SKP2: variants seen among roughly 807,000 people sequenced by gnomAD.
SKP2 encodes S-phase kinase-associated protein 2.
SKP2 carries 16 observed loss-of-function variants against 51.8 expected under a neutral mutation model. The ratio of observed to expected loss-of-function variants is 0.31; its 90% CI spans 0.21 to 0.47. The LOEUF is 0.47. Among genes scored for constraint, SKP2 ranks in the 20% least tolerant of loss-of-function variants. SKP2 has a pLI of 1.00. For synonymous variants in SKP2, 176 were observed against 198.6 expected (o/e 0.89, Z 0.96); for missense variants, 377 against 505.3 (o/e 0.75, Z 2.43).
chr5:36,174,666 T>TGA (rs1389171050), intron 7 of SKP2, among the ~76,000 whole-genome samples: 1 of 151,924 alleles, frequency 6.6e-6, no homozygotes, highest in African/African-American at 2.4e-5. Flanking sequence ...GAGGTAAAAA[T>TGA]GCAAGGACGA....
chr5:36,154,487 G>A (rs1347796688), intron 2 of SKP2, among the ~76,000 whole-genome samples: 2 of 152,154 alleles, frequency 1.3e-5, no homozygotes, highest in Non-Finnish European at 2.9e-5. Context: ...ACACTGATGT[G>A]TTGAGACTCA....
At position 36,182,620 on chromosome 5, in the gene SKP2, A is replaced by C. The variant is rs138456032; in HGVS notation, c.*589A>C. ...TAAGTAACCCCATGTAATTCACCTT[A>C]AAACTTAACAAAAGACCAAACATTA... is the stretch of plus-strand genomic sequence containing the variant. On this transcript the variant is annotated 3_prime_UTR_variant, in exon 10 of 10. Transcript: ENST00000274255. 1,964 of 981,850 alleles carry C rather than the reference A, an allele frequency of 2.0e-3. 29 individuals are homozygous for C. In the African/African-American group the frequency reaches 0.032, roughly 16 times the overall value. The allele number at this position is 981,850 out of a possible 1,614,324, so 60.8% of individuals were successfully genotyped here.
At chr5:36,156,099 A>AC (rs1744936847) in intron 2 of SKP2, among the ~76,000 whole-genome samples, 1 of 152,202 alleles carries the variant, frequency 6.6e-6, no homozygotes, top group African/African-American at 2.4e-5. Context: ...AAGAATGGTG[A>AC]CTTTTATGTT....
In SKP2 at chr5:36,177,301, G is replaced by A; in HGVS notation, c.1061+9G>A. The A allele has an allele frequency of 6.5e-7, 1 of 1,527,990 alleles. No individual in the cohort carries two copies. Among genetic ancestry groups the A allele is most frequent in the Non-Finnish European group, 9.1e-7 (1 of 1,102,240 alleles). The allele number at this position is 1,527,990 out of a possible 1,614,324, so 94.7% of individuals were successfully genotyped here. A position where few individuals can be genotyped will look rare whatever the true frequency, so the allele number is the denominator to read the frequency against. On this transcript the variant is annotated intron_variant, in intron 9 of 9. Transcript: ENST00000274255. ...ATACCTGAAACTTTACTGTAAGTAT[G>A]TTTTGTTTTTAATGCTTAATAGAAG... is the stretch of plus-strand genomic sequence containing the variant.
At chr5:36,180,563 A>G (rs1228796922) in intron 9 of SKP2, among the ~76,000 whole-genome samples, 4 of 152,182 alleles carry the variant, frequency 2.6e-5, no homozygotes, top group African/African-American at 9.6e-5. Flanking sequence ...TAGAATAAAT[A>G]CATTTAGGGG....
intron 3 of SKP2, among the ~76,000 whole-genome samples, chr5:36,164,574 C>T (rs2111971335): frequency 6.6e-6 from 1 of 152,326 alleles, no homozygotes; most frequent in Middle Eastern, 3.4e-3. Context: ...CTTAGAACTC[C>T]CTGTGTGAGA....
chr5:36,192,503 G>C (rs1746054527), intron 6 of SKP2: 1 of 151,986 alleles, frequency 6.6e-6, no homozygotes, highest in African/African-American at 2.4e-5. Flanking sequence ...ACTTGTATTT[G>C]ACAACTTTTT....
chr5:36,180,924 C>A (rs16902789), intron 9 of SKP2, among the ~76,000 whole-genome samples: 3 of 152,116 alleles, frequency 2.0e-5, no homozygotes, highest in East Asian at 3.9e-4. Context: ...ACTGTATGTC[C>A]CAACCTTGAG....
intron 7 of SKP2, chr5:36,193,041 CAAT>C (rs1173604616): frequency 1.3e-5 from 2 of 152,128 alleles, no homozygotes; most frequent in African/African-American, 4.8e-5. Flanking sequence ...AAATGGAGCA[CAAT>C]AAGTATTTTT....
chr5:36,153,769 T>C (rs79182991), intron 2 of SKP2, among the ~76,000 whole-genome samples: 2,950 of 152,242 alleles, frequency 0.019, 95 homozygotes, highest in African/African-American at 0.067. Flanking sequence ...TTGACTGAAA[T>C]GTAGAACTTA....
At chr5:36,166,767 A>T in intron 4 of SKP2, 105 bp downstream of exon 4, 1 of 992,184 alleles carries the variant, frequency 1.0e-6, no homozygotes, top group Non-Finnish European at 1.5e-6. Flanking sequence ...AGCCTATGGT[A>T]GGTTATCTGT....
chr5:36,155,770 G>A (rs962057501), intron 2 of SKP2, among the ~76,000 whole-genome samples: 2 of 152,144 alleles, frequency 1.3e-5, no homozygotes, highest in Non-Finnish European at 2.9e-5. Flanking sequence ...GTCCAGTGCC[G>A]ATAGCTTTTG....
Position 36,183,949 on chromosome 5 carries a change from G to A in SKP2, c.*1918G>A, listed in dbSNP as rs777767945. 65 of 1,610,902 alleles carry A rather than the reference G, an allele frequency of 4.0e-5. No homozygotes were observed. The South Asian group carries it at 6.5e-4, about 16-fold the overall frequency. ...CAGCCATAAGCTATTTTGCCAACAT[G>A]TCAGAGTAATCTGTATTTTTGTATG... On this transcript the variant is annotated 3_prime_UTR_variant, in exon 10 of 10. Coordinates refer to ENST00000274255, the MANE Select transcript of SKP2 (RefSeq NM_005983.4).
chr5:36,161,715 G>A lies in SKP2; in HGVS notation c.281-1930G>A, dbSNP rs187549023. Among the ~76,000 whole-genome samples, 185 of 152,282 alleles carry A rather than the reference G, an allele frequency of 1.2e-3. 1 individual carries two copies. The highest frequency in any genetic ancestry group is 4.4e-3 in the African/African-American group (183 of 41,562). ...TTTAGAAAGACTGCCCAGGGCAGCA[G>A]GTGTTTGTCACACTCCTCGGTGTTT... On this transcript the variant is annotated intron_variant, in intron 2 of 9. Coordinates refer to ENST00000274255, the MANE Select transcript of SKP2 (RefSeq NM_005983.4).
rs998397354 is a variant in SKP2, at chr5:36,178,816, G to A, written c.1061+1524G>A. On this transcript the variant is annotated intron_variant, in intron 9 of 9. Transcript: ENST00000274255. ...GAAAGAAAGAAGCTAAGCAGGTAAT[G>A]ACCCAAATGCTTTTTCTCAAGCAGA... is the stretch of plus-strand genomic sequence containing the variant. Among the ~76,000 whole-genome samples the A allele has an allele frequency of 4.6e-5, 7 of 151,994 alleles. 1 individual carries two copies. Among genetic ancestry groups the A allele is most frequent in the Admixed American group, 2.6e-4 (4 of 15,242 alleles).
chr5:36,175,415 A>G (rs1028149538), intron 7 of SKP2, among the ~76,000 whole-genome samples: 9 of 152,098 alleles, frequency 5.9e-5, no homozygotes, highest in Admixed American at 5.9e-4. Flanking sequence ...AGAATTTAGG[A>G]GAGGGGATAT....
intron 1 of SKP2, 51 bp from the exon 2 acceptor site, chr5:36,152,720 A>G (rs1561528788): frequency 6.3e-7 from 1 of 1,580,662 alleles, no homozygotes; most frequent in African/African-American, 1.4e-5. Context: ...CCTTGAAATT[A>G]TTTATGGGTG....
downstream of SKP2, among the ~76,000 whole-genome samples, chr5:36,186,526 C>A (rs963844021): frequency 9.9e-5 from 15 of 152,144 alleles, no homozygotes; most frequent in African/African-American, 3.6e-4. Context: ...GTTGTTGGTT[C>A]TGTTTATATG....
chr5:36,189,783 G>A (rs1006111636), intron 6 of SKP2, among the ~76,000 whole-genome samples: 2 of 152,204 alleles, frequency 1.3e-5, no homozygotes, highest in African/African-American at 4.8e-5. Flanking sequence ...AGAGGTTTCT[G>A]CTGCCTTTTG....
Sources: allele counts gnomAD v4.1 joint callset (sites outside exome capture counted in the v4.1 genomes callset), GRCh38; gene constraint gnomAD v4.1.1; transcripts MANE v1.5; gene names NCBI Gene and HGNC (gene_info 2026-07-23, HGNC 2026-07-21).